Variants in C12orf56 observed in about 807,000 individuals in gnomAD.
The protein encoded by C12orf56 is chromosome 12 open reading frame 56, also known as uncharacterized protein C12orf56.
Under a neutral mutation model 69.9 loss-of-function variants are expected in C12orf56, and 71 were observed. That is an observed-to-expected ratio of 1.02 (90% confidence interval 0.84 to 1.24). The LOEUF (loss-of-function observed/expected upper bound fraction) is 1.24. Among genes scored for constraint, C12orf56 ranks in the 50% most tolerant of loss-of-function variants. The pLI, the probability that C12orf56 is intolerant of heterozygous loss-of-function variation, is 0.00. For missense variants in C12orf56, 732 were observed against 738.5 expected, an observed-to-expected ratio of 0.99 and a Z score of 0.10; for synonymous variants, 276 against 274.1, an observed-to-expected ratio of 1.01 and a Z score of -0.07.
At position 64,390,300 on chromosome 12, in the gene C12orf56, C is replaced by T. The variant is rs760608209; in HGVS notation, c.252+14G>A. 1.0e-5 allele frequency: 16 copies of T among 1,595,348 alleles called. No homozygotes were observed. Among genetic ancestry groups the T allele is most frequent in the Admixed American group, 1.7e-5 (1 of 58,724 alleles). On this transcript the variant is annotated intron_variant, in intron 1 of 12. Transcript: ENST00000543942. ...CTGCGCTCCCGAGCCCGCCTGCCCA[C>T]CCGCGCCGCTCACCAGGTCAATGGC...
In C12orf56 at chr12:64,380,118, A is replaced by AC. The variant is rs1450680187; in HGVS notation, c.252+10195_252+10196insG. Among the ~76,000 whole-genome samples the AC allele has an allele frequency of 2.6e-3, 216 of 84,310 alleles. 5 individuals carry two copies. Among genetic ancestry groups the AC allele is most frequent in the African/African-American group, 7.3e-3 (204 of 28,054 alleles). The allele number at this position is 84,310 out of a possible 152,430, so 55.3% of individuals were successfully genotyped here. ...AGACTCCGTCGCAAAAAAAAAAAAA[A>AC]AAAAAAAAAAAAAAAACAAAACAAA... On this transcript the variant is annotated intron_variant, in intron 1 of 12. Transcript: ENST00000543942.
chr12:64,372,880 C>T (rs1032162082), intron 1 of C12orf56, among the ~76,000 whole-genome samples: 1 of 152,104 alleles, frequency 6.6e-6, no homozygotes, highest in African/African-American at 2.4e-5. Context: ...ACATGCTTTT[C>T]CCTCCTTTTG....
chr12:64,309,601 C>G (rs10784401), intron 5 of C12orf56, among the ~76,000 whole-genome samples: 2 of 151,936 alleles, frequency 1.3e-5, no homozygotes, highest in African/African-American at 2.4e-5. Flanking sequence ...GCCTCTGCCT[C>G]CCAGGTTCAA....
intron 11 of C12orf56, among the ~76,000 whole-genome samples, chr12:64,272,208 A>T (rs914365669): frequency 6.6e-6 from 1 of 151,972 alleles, no homozygotes; most frequent in African/African-American, 2.4e-5. Flanking sequence ...AAAATTTTTT[A>T]AAATAAATAA....
At chr12:64,370,255 G>C (rs2039552412) in intron 1 of C12orf56, among the ~76,000 whole-genome samples, 1 of 151,580 alleles carries the variant, frequency 6.6e-6, no homozygotes, top group Non-Finnish European at 1.5e-5. Context: ...TGAGGCTGGA[G>C]AATTGCTTGA....
At chr12:64,324,894 C>G (rs2038818613) in intron 3 of C12orf56, among the ~76,000 whole-genome samples, 1 of 152,032 alleles carries the variant, frequency 6.6e-6, no homozygotes, top group South Asian at 2.1e-4. Context: ...CTCAGGAGTT[C>G]CAATAATCCA....
intron 6 of C12orf56, among the ~76,000 whole-genome samples, chr12:64,299,501 A>G (rs994802115): frequency 1.3e-5 from 2 of 152,172 alleles, no homozygotes; most frequent in South Asian, 4.1e-4. Flanking sequence ...TGAAAGCTTC[A>G]TTTTTAGACA....
intron 5 of C12orf56, among the ~76,000 whole-genome samples, chr12:64,309,401 G>C (rs2038576398): frequency 6.6e-6 from 1 of 152,132 alleles, no homozygotes; most frequent in Admixed American, 6.6e-5. Flanking sequence ...TTTTGTATCT[G>C]GCTTATTTCA....
At chr12:64,323,263 G>A (rs910401981) in intron 3 of C12orf56, among the ~76,000 whole-genome samples, 11 of 152,054 alleles carry the variant, frequency 7.2e-5, no homozygotes, top group African/African-American at 1.7e-4. Context: ...CCATTCCTAC[G>A]TTCCCAGGAT....
rs1279481474 is a variant in C12orf56, at chr12:64,284,681, G to A, written c.1293C>T (p.Asn431=). ...GACCTTACTTCTTAGCTGCCAATGTGTTCAGGCGTGATGACTCGGTTTCTG... is the reference window on the plus strand; with the variant it reads ...GACCTTACTTCTTAGCTGCCAATGTATTCAGGCGTGATGACTCGGTTTCTG... The part of the protein sequence containing the change: ...RETETESSRL[N]TLAAKKGALF... The change falls in exon 8 of 13, where the codon AAC becomes AAT. Residue 431 remains asparagine (N), a synonymous_variant. Coordinates refer to ENST00000543942, the MANE Select transcript of C12orf56 (RefSeq NM_001170633.2). 2 of 1,611,806 alleles carry A rather than the reference G, an allele frequency of 1.2e-6. No individual in the cohort carries two copies. The highest frequency in any genetic ancestry group is 1.7e-5 in the Admixed American group (1 of 59,722).
chr12:64,381,735 G>C (rs1427026089), intron 1 of C12orf56, among the ~76,000 whole-genome samples: 2 of 152,136 alleles, frequency 1.3e-5, no homozygotes, highest in Middle Eastern at 3.2e-3. Flanking sequence ...AACTGGACAG[G>C]GGGCAACAGA....
At chr12:64,382,577 T>C (rs186290933) in intron 1 of C12orf56, among the ~76,000 whole-genome samples, 4 of 152,194 alleles carry the variant, frequency 2.6e-5, no homozygotes, top group Admixed American at 2.6e-4. Flanking sequence ...ACTGCCCTTA[T>C]AAAATTATAA....
rs756227260 is a variant in C12orf56, at chr12:64,275,262, TA to T, written c.1509+35del. The T allele has an allele frequency of 8.0e-6, 8 of 1,002,540 alleles. No individual in the cohort carries two copies. In the African/African-American group the frequency reaches 1.3e-4, roughly 16 times the overall value. 62.1% of individuals were successfully genotyped at this position (1,002,540 alleles called of 1,614,324 possible). A position where few individuals can be genotyped will look rare whatever the true frequency, so the allele number is the denominator to read the frequency against. Reference sequence around the variant, plus strand: ...AATAGTCATGTAATTTATAGTTACATAAAATATGTAAAAATATAATTTTTAA... The same window carrying T: ...AATAGTCATGTAATTTATAGTTACATAAATATGTAAAAATATAATTTTTAA... On this transcript the variant is annotated intron_variant, in intron 10 of 12. Coordinates refer to ENST00000543942, the MANE Select transcript of C12orf56 (RefSeq NM_001170633.2).
intron 1 of C12orf56, among the ~76,000 whole-genome samples, chr12:64,373,021 A>ATT (rs2039594155): frequency 6.6e-6 from 1 of 152,134 alleles, no homozygotes; most frequent in South Asian, 2.1e-4. Flanking sequence ...GGTTTCCTGC[A>ATT]ATATTCTGCT....
In C12orf56 at chr12:64,277,726, T is replaced by C. The variant is rs1205900978; in HGVS notation, c.1388A>G (p.Gln463Arg). 1 of 1,600,864 alleles carries C rather than the reference T, an allele frequency of 6.2e-7. No homozygotes were observed. The highest frequency in any genetic ancestry group is 1.1e-5 in the South Asian group (1 of 88,286). The change falls in exon 9 of 13, where the codon CAG becomes CGG. Residue 463 changes from glutamine (Q) to arginine (R), a missense_variant. Transcript: ENST00000543942. ...IPKSCPVFDIQLVADSALVRM... is the reference protein window; with the variant it reads ...IPKSCPVFDIRLVADSALVRM... Reference sequence around the variant, plus strand: ...GACTAAAGCTGAATCAGCCACCAACTGGATATCAAACACAGGACAAGATTT... The same window carrying C: ...GACTAAAGCTGAATCAGCCACCAACCGGATATCAAACACAGGACAAGATTT...
intron 1 of C12orf56, among the ~76,000 whole-genome samples, chr12:64,383,353 ATTG>A (rs2039746081): frequency 1.3e-5 from 2 of 151,884 alleles, no homozygotes; most frequent in African/African-American, 4.8e-5. Context: ...CTTTTGTTTA[ATTG>A]GATTTTCCTG....
intron 3 of C12orf56, among the ~76,000 whole-genome samples, chr12:64,327,818 C>G (rs760002774): frequency 1.6e-4 from 24 of 152,300 alleles, no homozygotes; most frequent in South Asian, 6.2e-4. Context: ...ATCAAAACCT[C>G]CAAAGCCTTG....
At chr12:64,296,759 G>C (rs2038371067) in intron 6 of C12orf56, among the ~76,000 whole-genome samples, 1 of 152,108 alleles carries the variant, frequency 6.6e-6, no homozygotes, top group African/African-American at 2.4e-5. Flanking sequence ...TGAGAGGCGA[G>C]ACCTTTAAGA....
intron 1 of C12orf56, among the ~76,000 whole-genome samples, chr12:64,365,752 A>C (rs1481370516): frequency 1.4e-5 from 2 of 143,762 alleles, no homozygotes; most frequent in Non-Finnish European, 3.0e-5. Context: ...TAATATATAT[A>C]ATATATAGTT....
Sources: gnomAD v4.1 joint callset for allele counts (sites outside exome capture counted in the v4.1 genomes callset) on GRCh38, gnomAD v4.1.1 for gene constraint, MANE v1.5 for transcripts, NCBI Gene and HGNC (gene_info 2026-07-23, HGNC 2026-07-21) for gene names.